The following MUC4 variants were observed in gnomAD, a reference collection of about 807,000 sequenced individuals.
MUC4 encodes mucin 4, cell surface associated.
MUC4 carries 202 observed loss-of-function variants against 257.9 expected under a neutral mutation model. That is an observed-to-expected ratio of 0.78 (90% CI 0.70 to 0.88). The LOEUF (loss-of-function observed/expected upper bound fraction) is 0.88. Among genes scored for constraint, MUC4 ranks in the 40% least tolerant of loss-of-function variants. The probability of loss-of-function intolerance (pLI) is 0.00; values close to 1 mark genes in which losing one functional copy is unlikely to be tolerated. For missense variants in MUC4, 5,976 were observed against 6,513.7 expected, an observed-to-expected ratio of 0.92 and a Z score of 2.84; for synonymous variants, 2,351 against 2,757.1, an observed-to-expected ratio of 0.85 and a Z score of 4.62.
chr3:195,750,974 G>A lies in MUC4; in HGVS notation c.15786C>T (p.Tyr5262=). 2.5e-6 allele frequency: 4 copies of A among 1,613,998 alleles called. No homozygotes were observed. The highest frequency in any genetic ancestry group is 3.4e-6 in the Non-Finnish European group (4 of 1,180,004). The change falls in exon 23 of 25, where the codon TAC becomes TAT. Residue 5262 remains tyrosine (Y), a synonymous_variant. Coordinates refer to ENST00000463781, the MANE Select transcript of MUC4 (RefSeq NM_018406.7). ...GCTCCTCACTCCTCCGTGGAACGTG[G>A]TATAAGAACGCCTCCACCACCGCGG... The part of the protein sequence containing the change: ...LLAAVVEAFL[Y]HVPRRSEEPR...
chr3:195,761,444 C>T (rs1222910477), intron 15 of MUC4, 40 bp downstream of exon 15: 3 of 1,529,632 alleles, frequency 2.0e-6, no homozygotes, highest in South Asian at 2.2e-5. Flanking sequence ...ACCGGCTCCC[C>T]TCACCTGCCC....
At chr3:195,764,383 C>T (rs1408839774) in intron 10 of MUC4, among the ~76,000 whole-genome samples, 2 of 152,124 alleles carry the variant, frequency 1.3e-5, no homozygotes, top group Non-Finnish European at 2.9e-5. Flanking sequence ...CTTTGGAATC[C>T]AGCATGGCCC....
chr3:195,804,588 C>G (rs116633041), intron 1 of MUC4, among the ~76,000 whole-genome samples: 4 of 152,202 alleles, frequency 2.6e-5, no homozygotes, highest in East Asian at 1.9e-4. Context: ...TAAGCCGTAT[C>G]GCCACAGTGT....
rs1553869949 is a variant in MUC4, at chr3:195,780,024, A to G, written c.11556T>C (p.Gly3852=). ...TAGTGACAGGAAGAGGCATGGTGTC[A>G]CCTGTGGATACTGAGGAAGGGATGG... The part of the protein sequence containing the change: ...PVTIPSSVST[G]DTMPLPVTSP... Residue 3852 remains glycine, a synonymous_variant, in exon 2 of 25, where the codon GGT becomes GGC. Transcript: ENST00000463781. 2.7e-6 allele frequency: 2 copies of G among 740,556 alleles called. No individual in the cohort carries two copies. Among genetic ancestry groups the G allele is most frequent in the Non-Finnish European group, 1.7e-6 (1 of 579,168 alleles). 45.9% of individuals were successfully genotyped at this position (740,556 alleles called of 1,614,324 possible).
chr3:195,811,922 C>G lies in MUC4; in HGVS notation c.-105G>C. On this transcript the variant is annotated 5_prime_UTR_variant, in exon 1 of 25. Transcript: ENST00000463781. ...CGTCCCCTCAGGCGGCTGGCCCGAA[C>G]CAAGTGCGTTTCTCCGAAGGGGCCA... is the stretch of plus-strand genomic sequence containing the variant. 6.1e-6 allele frequency: 7 copies of G among 1,145,844 alleles called. No individual in the cohort carries two copies. The highest frequency in any genetic ancestry group is 8.8e-6 in the Non-Finnish European group (7 of 797,800). 71.0% of individuals were successfully genotyped at this position (1,145,844 alleles called of 1,614,324 possible).
chr3:195,762,594 AC>A (rs1719347541), intron 13 of MUC4, among the ~76,000 whole-genome samples: 7 of 110,130 alleles, frequency 6.4e-5, no homozygotes, highest in African/African-American at 2.3e-4. Flanking sequence ...ACCGCCACGC[AC>A]CCGGCCCTGC....
At chr3:195,794,388 A>G (rs1223877813) in intron 1 of MUC4, among the ~76,000 whole-genome samples, 1 of 148,474 alleles carries the variant, frequency 6.7e-6, no homozygotes. Flanking sequence ...AGAGAGAGAG[A>G]GAGAAGAAAG....
rs1283740092 is a variant in MUC4 at position 195,810,063 on chromosome 3, C to T, written c.82+1673G>A. 1 of 152,254 alleles carries T rather than the reference C, an allele frequency of 6.6e-6. No individual in the cohort carries two copies. The highest frequency in any genetic ancestry group is 1.9e-4 in the East Asian group (1 of 5,188). The allele number at this position is 152,254 out of a possible 1,614,324, so 9.4% of individuals were successfully genotyped here. ...CCGTGTGGCGGCTCCTTCCGGCCTC[C>T]ACGTCCTCACGGTGGGATGAGCACT... On this transcript the variant is annotated intron_variant, in intron 1 of 24. Transcript: ENST00000463781. The surrounding 1 kb of genome is among the most constrained non-coding windows in gnomAD (Gnocchi z 4.2).
At chr3:195,778,109 C>G (rs1284827323) in intron 3 of MUC4, among the ~76,000 whole-genome samples, 194 bp downstream of exon 3, 1 of 152,242 alleles carries the variant, frequency 6.6e-6, no homozygotes, top group Non-Finnish European at 1.5e-5. Context: ...GCACTGGGGT[C>G]ATTTCTCTGT....
At chr3:195,763,894 T>C in intron 11 of MUC4, 151 bp downstream of exon 11, 3 of 1,289,748 alleles carry the variant, frequency 2.3e-6, no homozygotes, top group Non-Finnish European at 3.1e-6. Context: ...ACAAAGCCCC[T>C]CCACTGACCA....
At chr3:195,772,826 T>TCCATCGCTCAGGGGTGTAGACACCCTCC (rs1723336846) in intron 4 of MUC4, among the ~76,000 whole-genome samples, 4 of 107,382 alleles carry the variant, frequency 3.7e-5, no homozygotes, top group Admixed American at 9.3e-5. Flanking sequence ...AGACACCCTC[T>TCCATCGCTCAGGGGTGTAGACACCCTCC]CTCCATCGCT....
In MUC4 at chr3:195,788,402, T is replaced by G. The variant is rs1331990901; in HGVS notation, c.3178A>C (p.Thr1060Pro). The change falls in exon 2 of 25, where the codon ACT becomes CCT. Residue 1060 changes from threonine to proline, a missense_variant. Thr to Pro is a conservative substitution (Grantham distance 38, BLOSUM62 -1). This residue lies in a region of MUC4 where 68 missense variants were observed against 90.4 expected (regional missense o/e 0.75). Transcript: ENST00000463781. ...CCTGTGGATGCTGAGGAAGTGTCAG[T>G]GACAGGAAGAGGGGTGCTGTCACCT... ...STGDSTPLPV[T>P]DTSSASTGHV... 11 of 1,483,336 alleles carry G rather than the reference T, an allele frequency of 7.4e-6. 2 individuals are homozygous for G. Among genetic ancestry groups the G allele is most frequent in the Non-Finnish European group, 1.0e-5 (11 of 1,097,366 alleles). The allele number at this position is 1,483,336 out of a possible 1,614,324, so 91.9% of individuals were successfully genotyped here.
chr3:195,790,763 T>A lies in MUC4; in HGVS notation c.817A>T (p.Thr273Ser). Residue 273 changes from threonine (T) to serine (S), a missense_variant, in exon 2 of 25, where the codon ACT (threonine) becomes TCT (serine). Around this residue, in one of 44 missense-constraint regions of MUC4, gnomAD observed 1,583 missense variants for 1,257.4 expected, o/e 1.26. Transcript: ENST00000463781. Reference protein sequence around the residue: ...KITVTTSTGSTLGNPGETSSV... With the variant: ...KITVTTSTGSSLGNPGETSSV... Reference sequence around the variant, plus strand: ...GATGTCTCCCCTGGGTTTCCAAGAGTGGAGCCTGTGGAGGTTGTCACTGTT... The same window carrying A: ...GATGTCTCCCCTGGGTTTCCAAGAGAGGAGCCTGTGGAGGTTGTCACTGTT... The A allele has an allele frequency of 6.2e-7, 1 of 1,613,756 alleles. No homozygotes were observed. The highest frequency in any genetic ancestry group is 8.5e-7 in the Non-Finnish European group (1 of 1,179,844).
chr3:195,762,100 C>T lies in MUC4; in HGVS notation c.14499G>A (p.Thr4833=). 2 of 1,601,548 alleles carry T rather than the reference C, an allele frequency of 1.2e-6. No homozygotes were observed. The highest frequency in any genetic ancestry group is 1.7e-6 in the Non-Finnish European group (2 of 1,176,696). The change falls in exon 14 of 25, where the codon ACG becomes ACA. Residue 4833 remains threonine, a synonymous_variant. Transcript: ENST00000463781. ...AGCCGCCCTCACCCAGGAGCCCCTC[C>T]GTGCGGTTCTGGTACTCGGGCGGGA... ...ASLPPEYQNR[T]EGLLGVWNNN...
chr3:195,749,895 A>G (rs1194067362), intron 23 of MUC4: 1 of 152,312 alleles, frequency 6.6e-6, no homozygotes, highest in Non-Finnish European at 1.5e-5. Context: ...TGTGTTTCCT[A>G]AAGTTTCTGC....
At chr3:195,794,474 G>A (rs1734319174) in intron 1 of MUC4, among the ~76,000 whole-genome samples, 2 of 152,128 alleles carry the variant, frequency 1.3e-5, no homozygotes, top group South Asian at 4.1e-4. Context: ...GTTCAGCGGT[G>A]TAATTGGCCT....
At chr3:195,760,595 G>A (rs1718645958) in intron 16 of MUC4, among the ~76,000 whole-genome samples, 1 of 117,558 alleles carries the variant, frequency 8.5e-6, no homozygotes, top group Non-Finnish European at 2.1e-5. Context: ...TCCAGCGCTA[G>A]TATGGAGTGA....
Position 195,763,614 on chromosome 3 carries a change from G to T in MUC4, c.14072C>A (p.Thr4691Asn). The change falls in exon 12 of 25, where the codon ACC (threonine) becomes AAC (asparagine). Residue 4691 changes from threonine (T) to asparagine (N), a missense_variant. Transcript: ENST00000463781. ...PAWMFGDPHITTLDGVSYTFN... is the reference protein window; with the variant it reads ...PAWMFGDPHINTLDGVSYTFN... Reference sequence around the variant, plus strand: ...GGTGTAACTGACACCATCCAAGGTGGTGATGTGGGGGTCCCCGAACATCCA... The same window carrying T: ...GGTGTAACTGACACCATCCAAGGTGTTGATGTGGGGGTCCCCGAACATCCA... 1 of 1,554,944 alleles carries T rather than the reference G, an allele frequency of 6.4e-7. No individual in the cohort carries two copies. Among genetic ancestry groups the T allele is most frequent in the Non-Finnish European group, 8.7e-7 (1 of 1,145,038 alleles).
intron 6 of MUC4, chr3:195,769,516 C>A (rs1460952651): frequency 8.4e-6 from 2 of 237,028 alleles, no homozygotes; most frequent in Admixed American, 9.9e-5. Context: ...AGCTCCCGCG[C>A]GGATATTTAA....
Sources: allele counts gnomAD v4.1 joint callset (sites outside exome capture counted in the v4.1 genomes callset), GRCh38; gene constraint gnomAD v4.1.1; regional missense constraint gnomAD v4.1.1; non-coding constraint Gnocchi (gnomAD v3.1); transcripts MANE v1.5; gene names NCBI Gene and HGNC (gene_info 2026-07-23, HGNC 2026-07-21).